DENND6A: variants seen among roughly 807,000 people sequenced by gnomAD.
DENND6A encodes the protein protein DENND6A.
DENND6A carries 43 observed loss-of-function variants against 95.5 expected under a neutral mutation model. The ratio of observed to expected loss-of-function variants is 0.45; its 90% CI spans 0.35 to 0.58. DENND6A has a LOEUF of 0.58. Ranked by LOEUF, DENND6A falls within the 20% of genes least tolerant of loss-of-function variation. The probability of loss-of-function intolerance (pLI) is 0.00; values close to 1 mark genes in which losing one functional copy is unlikely to be tolerated. For missense variants in DENND6A, 574 were observed against 736.0 expected, an observed-to-expected ratio of 0.78 and a Z score of 2.55; for synonymous variants, 257 against 260.4, an observed-to-expected ratio of 0.99 and a Z score of 0.13.
At chr3:57,657,606 T>G (rs748795733) in intron 9 of DENND6A, 74 bp downstream of exon 9, 16 of 987,260 alleles carry the variant, frequency 1.6e-5, no homozygotes, top group Non-Finnish European at 2.4e-5. Context: ...TATATAATAT[T>G]CATTTTTTAA....
At chr3:57,666,568 C>T (rs1348127043) in intron 3 of DENND6A, among the ~76,000 whole-genome samples, 1 of 152,090 alleles carries the variant, frequency 6.6e-6, no homozygotes, top group African/African-American at 2.4e-5. Flanking sequence ...AGATGCCAAA[C>T]ACAAAATAAC....
chr3:57,658,505 G>A (rs899250813), intron 8 of DENND6A, among the ~76,000 whole-genome samples: 6 of 152,156 alleles, frequency 3.9e-5, no homozygotes, highest in Non-Finnish European at 7.3e-5. Context: ...TCCAGCCTGG[G>A]AGACAGAGGG....
Position 57,671,321 on chromosome 3 carries a change from G to A in DENND6A, c.319+935C>T, listed in dbSNP as rs201572487. ...GGGCAGATCACGAGGTCAAGAGATC[G>A]AGACCATCCTGGCTAACATGGTGAA... On this transcript the variant is annotated intron_variant, in intron 3 of 19. Coordinates refer to ENST00000311128, the MANE Select transcript of DENND6A (RefSeq NM_152678.3). Among the ~76,000 whole-genome samples, 52 of 152,132 alleles carry A rather than the reference G, an allele frequency of 3.4e-4. 1 individual carries two copies. The East Asian group carries it at 9.1e-3, about 27-fold the overall frequency.
chr3:57,667,804 G>A (rs570249185), intron 3 of DENND6A, among the ~76,000 whole-genome samples: 91 of 152,248 alleles, frequency 6.0e-4, no homozygotes, highest in Non-Finnish European at 1.1e-3. Context: ...AGTGGCTCAC[G>A]CCCGTAATCC....
intron 1 of DENND6A, 32 bp downstream of exon 1, chr3:57,692,750 G>A (rs1353880939): frequency 6.3e-6 from 9 of 1,422,468 alleles, no homozygotes; most frequent in African/African-American, 1.5e-5. Flanking sequence ...CGCAGGGGAG[G>A]AGCGCCGAGA....
chr3:57,666,075 C>T, intron 4 of DENND6A, 48 bp downstream of exon 4: 1 of 1,512,748 alleles, frequency 6.6e-7, no homozygotes. Context: ...TAAATGAGTT[C>T]TAAAGTTTCC....
At chr3:57,688,254 C>T (rs919013126) in intron 1 of DENND6A, among the ~76,000 whole-genome samples, 6 of 151,994 alleles carry the variant, frequency 3.9e-5, no homozygotes, top group Admixed American at 2.6e-4. Context: ...CCTCAGCCTC[C>T]CAAAGTGCTT....
intron 15 of DENND6A, 37 bp from the exon 16 acceptor site, chr3:57,631,015 T>C: frequency 6.3e-7 from 1 of 1,594,656 alleles, no homozygotes; most frequent in South Asian, 1.1e-5. Flanking sequence ...AGGAGTGTCT[T>C]CAAAAATATT....
chr3:57,661,843 A>G (rs919866707), intron 5 of DENND6A, among the ~76,000 whole-genome samples: 2 of 152,180 alleles, frequency 1.3e-5, no homozygotes, highest in Non-Finnish European at 2.9e-5. Context: ...AGCTCCTGTT[A>G]TCCTTACAAT....
Position 57,628,247 on chromosome 3 carries a change from C to T in DENND6A, c.1794G>A (p.Leu598=), listed in dbSNP as rs1251605954. The T allele has an allele frequency of 1.2e-6, 2 of 1,613,812 alleles. No homozygotes were observed. The highest frequency in any genetic ancestry group is 1.7e-6 in the Non-Finnish European group (2 of 1,179,938). Residue 598 remains leucine, a synonymous_variant, in exon 20 of 20, where the codon TTG becomes TTA. Coordinates refer to ENST00000311128, the MANE Select transcript of DENND6A (RefSeq NM_152678.3). The part of the protein sequence containing the change: ...DAIILALPED[L]QGILLKTGMT Reference sequence around the variant, plus strand: ...TGCCCGTTTTGAGCAGTATGCCTTGCAAGTCCTCTGGCAATGCTAAGATAA... The same window carrying T: ...TGCCCGTTTTGAGCAGTATGCCTTGTAAGTCCTCTGGCAATGCTAAGATAA...
chr3:57,692,229 CAA>C (rs11303769), intron 1 of DENND6A, among the ~76,000 whole-genome samples: 1,167 of 72,860 alleles, frequency 0.016, 9 homozygotes, highest in African/African-American at 0.045. Context: ...AACTCCGTCT[CAA>C]AAAAAAAAAA....
intron 18 of DENND6A, among the ~76,000 whole-genome samples, chr3:57,629,613 G>A (rs1283953620): frequency 3.5e-5 from 5 of 144,506 alleles, no homozygotes; most frequent in African/African-American, 5.1e-5. Context: ...CCGGGTTCAC[G>A]CCATTCTCCT....
chr3:57,649,641 A>AAT (rs1186061791), intron 9 of DENND6A, among the ~76,000 whole-genome samples: 12 of 102,626 alleles, frequency 1.2e-4, no homozygotes, highest in Non-Finnish European at 1.5e-4. Context: ...AAAAAAAAAA[A>AAT]ATATATATAT....
At chr3:57,674,609 G>T (rs1436296575) in intron 1 of DENND6A, among the ~76,000 whole-genome samples, 1 of 152,190 alleles carries the variant, frequency 6.6e-6, no homozygotes, top group East Asian at 1.9e-4. Context: ...CTGCACTCCA[G>T]CCTGGGCTAC....
rs561255155 is a variant in DENND6A at position 57,634,761 on chromosome 3, G to A, written c.1141C>T (p.Pro381Ser). The A allele has an allele frequency of 1.9e-6, 3 of 1,562,054 alleles. No homozygotes were observed. The East Asian group carries it at 6.9e-5, about 36-fold the overall frequency. Reference protein sequence around the residue: ...IGDLKPTGEIPKQVKVKKLKN... With the variant: ...IGDLKPTGEISKQVKVKKLKN... ...AGTTTTTTCACTTTAACCTGCTTAG[G>A]AATTTCACCTGAAGGAAGCAGCATA... Residue 381 changes from proline to serine, a missense_variant, in exon 13 of 20, where the codon CCT becomes TCT. By Grantham distance (74) the Pro-to-Ser change is moderately conservative. This residue lies in a region of DENND6A where 452 missense variants were observed against 630.9 expected (regional missense o/e 0.72). Coordinates refer to ENST00000311128, the MANE Select transcript of DENND6A (RefSeq NM_152678.3).
chr3:57,633,274 G>A lies in DENND6A; in HGVS notation c.1344C>T (p.Ile448=), dbSNP rs1243627397. ...TTATTTATTAACTTACTAATGGAAT[G>A]ATGAAACTTTGTGTCAGTTCCAAAA... is the stretch of plus-strand genomic sequence containing the variant. The part of the protein sequence containing the change: ...RYFLELTQSF[I]IPLERYVASL... The change falls in exon 15 of 20, where the codon ATC becomes ATT. Residue 448 remains isoleucine (I), a synonymous_variant. Transcript: ENST00000311128. 1 of 1,612,598 alleles carries A rather than the reference G, an allele frequency of 6.2e-7. No individual in the cohort carries two copies. Among genetic ancestry groups the A allele is most frequent in the Admixed American group, 1.7e-5 (1 of 59,922 alleles).
At chr3:57,663,212 ATTC>A (rs904213638) in intron 5 of DENND6A, among the ~76,000 whole-genome samples, 9 of 150,614 alleles carry the variant, frequency 6.0e-5, no homozygotes, top group African/African-American at 2.2e-4. Context: ...CACACCTGTA[ATTC>A]CAGCACTCTG....
chr3:57,661,374 C>A, intron 6 of DENND6A, 72 bp downstream of exon 6: 1 of 1,136,454 alleles, frequency 8.8e-7, no homozygotes, highest in Non-Finnish European at 1.2e-6. Flanking sequence ...TGTTATAAAT[C>A]AACTTCATTT....
intron 1 of DENND6A, among the ~76,000 whole-genome samples, chr3:57,675,247 T>G (rs1177906018): frequency 6.6e-6 from 1 of 152,184 alleles, no homozygotes; most frequent in African/African-American, 2.4e-5. Flanking sequence ...GTAAAAAAAG[T>G]TTTTGGTTTA....
Sources: gnomAD v4.1 joint callset for allele counts (sites outside exome capture counted in the v4.1 genomes callset) on GRCh38, gnomAD v4.1.1 for gene constraint, gnomAD v4.1.1 regional missense constraint, MANE v1.5 for transcripts, NCBI Gene and HGNC (gene_info 2026-07-23, HGNC 2026-07-21) for gene names.